Variants in FIRRM observed in about 807,000 individuals in gnomAD.
FIRRM encodes FIGNL1 interacting regulator of recombination and mitosis, also known as FIGNL1-interacting regulator of recombination and mitosis.
At chr1:169,845,047 C>A in the FIRRM span, among the ~76,000 whole-genome samples, 5 of 152,222 alleles carry the variant, frequency 3.3e-5, no homozygotes, top group Admixed American at 2.6e-4. Context: ...AAAAAGCTTA[C>A]CAGTCCTTGC....
At chr1:169,821,762 A>G in the FIRRM span, 1 of 1,579,026 alleles carries the variant, frequency 6.3e-7, no homozygotes, top group Non-Finnish European at 8.7e-7. Flanking sequence ...ACGCTAAGGT[A>G]AGGCTTTATT....
chr1:169,852,733 G>A, the FIRRM span: 1 of 1,563,332 alleles, frequency 6.4e-7, no homozygotes, highest in Non-Finnish European at 8.8e-7. Flanking sequence ...CAGTCCAAAA[G>A]GAAGGTTCTT....
the FIRRM span, chr1:169,849,774 G>A: frequency 6.7e-6 from 4 of 599,740 alleles, no homozygotes; most frequent in Admixed American, 1.2e-4. Context: ...ATGAGGCTTA[G>A]ATAAATGAAG....
the FIRRM span, chr1:169,795,067 C>A: frequency 6.7e-7 from 1 of 1,490,772 alleles, no homozygotes; most frequent in South Asian, 1.2e-5. Flanking sequence ...TGGGCTTTGG[C>A]GGGTCTGGTT....
the FIRRM span, among the ~76,000 whole-genome samples, chr1:169,825,009 T>G: frequency 6.6e-6 from 1 of 152,182 alleles, no homozygotes; most frequent in African/African-American, 2.4e-5. Context: ...TTATTTCAGT[T>G]TAAGTGGCAG....
the FIRRM span, among the ~76,000 whole-genome samples, chr1:169,823,914 G>C: frequency 1.3e-5 from 2 of 151,982 alleles, no homozygotes; most frequent in African/African-American, 4.8e-5. Context: ...GAAAAGAACT[G>C]AATTACAGAA....
chr1:169,834,332 AT>A, the FIRRM span, among the ~76,000 whole-genome samples: 1 of 152,218 alleles, frequency 6.6e-6, no homozygotes, highest in Non-Finnish European at 1.5e-5. Flanking sequence ...CTGCATACCT[AT>A]TTTAAGAGTC....
chr1:169,794,785 T>G, the FIRRM span: 28 of 212,642 alleles, frequency 1.3e-4, no homozygotes, highest in East Asian at 2.3e-4. Flanking sequence ...CACCTCCCCA[T>G]TTGAATGTAA....
the FIRRM span, chr1:169,795,198 C>G: frequency 3.3e-6 from 5 of 1,535,954 alleles, no homozygotes; most frequent in Non-Finnish European, 4.4e-6. Flanking sequence ...TGCCGTCCGT[C>G]CTGCCCCGAC....
the FIRRM span, chr1:169,792,772 A>G: frequency 6.2e-7 from 1 of 1,613,162 alleles, no homozygotes; most frequent in Non-Finnish European, 8.5e-7. Flanking sequence ...GTCTAAGGAA[A>G]GTCTGGTGCA....
the FIRRM span, chr1:169,853,943 C>A: frequency 1.4e-6 from 1 of 733,266 alleles, no homozygotes; most frequent in Non-Finnish European, 2.2e-6. Context: ...AGTAGGATTA[C>A]AAAACCATGG....
the FIRRM span, among the ~76,000 whole-genome samples, chr1:169,828,050 A>C: frequency 6.6e-6 from 1 of 152,218 alleles, no homozygotes; most frequent in Non-Finnish European, 1.5e-5. Context: ...AAAATATTTT[A>C]ATATTTAATT....
At chr1:169,843,522 C>T in the FIRRM span, 2 of 575,174 alleles carry the variant, frequency 3.5e-6, no homozygotes, top group Admixed American at 3.0e-5. Context: ...TAATATCTAC[C>T]TCATAGAGCT....
the FIRRM span, among the ~76,000 whole-genome samples, chr1:169,800,715 CTTTTT>C: frequency 1.1e-4 from 15 of 136,924 alleles, no homozygotes; most frequent in Admixed American, 6.6e-4. Context: ...TCCTTTCTCT[CTTTTT>C]TTTTTTTTTT....
chr1:169,808,047 G>T, the FIRRM span: 1 of 1,031,802 alleles, frequency 9.7e-7, no homozygotes, highest in Non-Finnish European at 1.4e-6. Flanking sequence ...ATTTCATTTG[G>T]GTGTTTTTTT....
the FIRRM span, chr1:169,801,009 A>ATCTAG: frequency 9.8e-7 from 1 of 1,020,594 alleles, no homozygotes; most frequent in Non-Finnish European, 1.5e-6. Context: ...GTTATAAGGA[A>ATCTAG]TCTAGCCTCA....
the FIRRM span, among the ~76,000 whole-genome samples, chr1:169,822,643 G>A: frequency 6.6e-6 from 1 of 152,076 alleles, no homozygotes; most frequent in Admixed American, 6.5e-5. Context: ...GAGACCACAG[G>A]CGCCTGCCAC....
At chr1:169,830,820 A>G in the FIRRM span, 42 of 1,311,060 alleles carry the variant, frequency 3.2e-5, no homozygotes, top group East Asian at 8.5e-4. Context: ...ATCTTTAAGA[A>G]TGTGAATATC....
the FIRRM span, among the ~76,000 whole-genome samples, chr1:169,825,381 G>A: frequency 6.6e-6 from 1 of 151,932 alleles, no homozygotes; most frequent in East Asian, 1.9e-4. Flanking sequence ...GTATTTACTT[G>A]TACACTTGTC....
Sources: allele counts gnomAD v4.1 joint callset (sites outside exome capture counted in the v4.1 genomes callset), GRCh38; gene constraint gnomAD v4.1.1; transcripts MANE v1.5; gene names NCBI Gene and HGNC (gene_info 2026-07-23, HGNC 2026-07-21).